SAMD5: variants seen among roughly 807,000 people sequenced by gnomAD.
SAMD5 encodes sterile alpha motif domain-containing protein 5.
Under a neutral mutation model 11.3 loss-of-function variants are expected in SAMD5, and 13 were observed. The ratio of observed to expected loss-of-function variants is 1.15; its 90% CI spans 0.75 to 1.83. The LOEUF (loss-of-function observed/expected upper bound fraction) is 1.83, where lower values mean the gene tolerates loss of function less well. SAMD5 is among the 40% of genes most tolerant of loss of function. SAMD5 has a pLI of 0.00. For synonymous variants in SAMD5, 129 were observed against 111.3 expected, an observed-to-expected ratio of 1.16 and a Z score of -1.00; for missense variants, 255 against 239.1, an observed-to-expected ratio of 1.07 and a Z score of -0.44.
intron 1 of SAMD5, among the ~76,000 whole-genome samples, chr6:147,621,371 G>A (rs1789962877): frequency 6.6e-6 from 1 of 152,324 alleles, no homozygotes; most frequent in South Asian, 2.1e-4. Flanking sequence ...GAAATCCAGT[G>A]CATGAGTCAA....
the SAMD5 span, among the ~76,000 whole-genome samples, chr6:147,908,363 G>A: frequency 6.6e-5 from 10 of 152,134 alleles, no homozygotes; most frequent in South Asian, 2.1e-3. Flanking sequence ...TGGATGCAGG[G>A]CCTGTGGACA....
At chr6:147,666,090 C>T (rs766758404) in intron 1 of SAMD5, among the ~76,000 whole-genome samples, 70 of 152,274 alleles carry the variant, frequency 4.6e-4, no homozygotes, top group Non-Finnish European at 6.3e-4. Context: ...AGGCGCCCGC[C>T]AACATGCCTG....
intron 1 of SAMD5, among the ~76,000 whole-genome samples, chr6:147,649,589 C>G (rs963756845): frequency 6.6e-6 from 1 of 152,066 alleles, no homozygotes; most frequent in Non-Finnish European, 1.5e-5. Flanking sequence ...GTCACGAGTT[C>G]GAGACCAGCC....
intron 1 of SAMD5, among the ~76,000 whole-genome samples, chr6:147,524,693 A>AAC (rs1788309810): frequency 1.3e-5 from 2 of 151,998 alleles, no homozygotes; most frequent in Non-Finnish European, 2.9e-5. Flanking sequence ...ATTCGCACCT[A>AAC]GATTCGCTTT....
intron 1 of SAMD5, among the ~76,000 whole-genome samples, chr6:147,546,703 A>T (rs945455170): frequency 1.3e-5 from 2 of 152,180 alleles, no homozygotes; most frequent in African/African-American, 4.8e-5. Flanking sequence ...TTAGATGAAT[A>T]CAGAGTTTTG....
At chr6:147,708,292 C>T (rs753223553) in intron 1 of SAMD5, among the ~76,000 whole-genome samples, 16 of 152,152 alleles carry the variant, frequency 1.1e-4, no homozygotes, top group Non-Finnish European at 2.1e-4. Context: ...CGGCCATCCG[C>T]GAGCCAAGGA....
rs1789084590 is a variant in SAMD5, at chr6:147,568,783, A to G, written c.*4327A>G. The G allele has an allele frequency of 2.7e-5, 26 of 966,706 alleles. No homozygotes were observed. Among genetic ancestry groups the G allele is most frequent in the Middle Eastern group, 5.2e-4 (1 of 1,906 alleles). 59.9% of individuals were successfully genotyped at this position (966,706 alleles called of 1,614,324 possible). A position where few individuals can be genotyped will look rare whatever the true frequency, so the allele number is the denominator to read the frequency against. On this transcript the variant is annotated 3_prime_UTR_variant, in exon 2 of 2. Coordinates refer to ENST00000367474, the MANE Select transcript of SAMD5 (RefSeq NM_001030060.3). The stretch of plus-strand genomic sequence containing the variant: ...CCTACATCAGATATTTTACACTATC[A>G]GATTCTTTGATTAAAAAATCATCTT...
intron 1 of SAMD5, chr6:147,692,476 G>C (rs995478304): frequency 1.3e-5 from 2 of 152,174 alleles, no homozygotes; most frequent in Non-Finnish European, 2.9e-5. Context: ...TGTCCTGCGT[G>C]TGCAGTCTTT....
chr6:147,715,771 A>G (rs761696531), intron 1 of SAMD5, among the ~76,000 whole-genome samples: 3 of 152,144 alleles, frequency 2.0e-5, no homozygotes, highest in Admixed American at 6.5e-5. Flanking sequence ...CCCACAGTGG[A>G]TAGGTCCTTT....
rs145402864 is a variant in SAMD5, at chr6:147,509,373, C to T, written c.445C>T (p.Pro149Ser). ...VRDGIHLSKP[P>S]YSRKVPMAGI... Reference sequence around the variant, plus strand: ...TGACGGCATCCACCTGAGCAAGCCCCCGTACTCCCGCAAGGTAAGGAGGTG... The same window carrying T: ...TGACGGCATCCACCTGAGCAAGCCCTCGTACTCCCGCAAGGTAAGGAGGTG... Residue 149 changes from proline (P) to serine (S), a missense_variant, in exon 1 of 2, where the codon CCG becomes TCG. Pro to Ser is a moderately conservative substitution (Grantham distance 74, BLOSUM62 -1). Coordinates refer to ENST00000367474, the MANE Select transcript of SAMD5 (RefSeq NM_001030060.3). The T allele has an allele frequency of 2.3e-4, 361 of 1,559,310 alleles. 2 individuals are homozygous for T. The highest frequency in any genetic ancestry group is 1.4e-3 in the Admixed American group (75 of 53,160).
chr6:147,576,176 T>C (rs1408508617), intron 1 of SAMD5, among the ~76,000 whole-genome samples: 1 of 151,334 alleles, frequency 6.6e-6, no homozygotes, highest in African/African-American at 2.4e-5. Context: ...GTCTTACTCC[T>C]GTTGCACAGG....
the SAMD5 span, among the ~76,000 whole-genome samples, chr6:147,819,528 G>GACA: frequency 6.6e-6 from 1 of 152,186 alleles, no homozygotes; most frequent in South Asian, 2.1e-4. Context: ...CTCACTGCAA[G>GACA]AAATATAGAC....
the SAMD5 span, among the ~76,000 whole-genome samples, chr6:147,773,575 T>C: frequency 1.2e-4 from 19 of 152,330 alleles, no homozygotes; most frequent in East Asian, 3.5e-3. Flanking sequence ...CTTCCTGATA[T>C]GCAGATAGCT....
At chr6:147,729,591 G>T (rs1791679431) in intron 1 of SAMD5, among the ~76,000 whole-genome samples, 1 of 152,152 alleles carries the variant, frequency 6.6e-6, no homozygotes, top group South Asian at 2.1e-4. Context: ...AGGTGCTAAG[G>T]AATGAAAAGT....
chr6:147,830,311 C>A, the SAMD5 span, among the ~76,000 whole-genome samples: 3 of 125,984 alleles, frequency 2.4e-5, no homozygotes, highest in Admixed American at 3.1e-4. Flanking sequence ...GGTTGGAGTG[C>A]AGTGGTGCAA....
At chr6:147,691,736 A>T (rs1403239715) in intron 1 of SAMD5, among the ~76,000 whole-genome samples, 1 of 152,174 alleles carries the variant, frequency 6.6e-6, no homozygotes, top group Non-Finnish European at 1.5e-5. Context: ...TGACTTGCTT[A>T]TTTGAGACTC....
chr6:147,618,279 G>T (rs1305250293), intron 1 of SAMD5, among the ~76,000 whole-genome samples: 2 of 152,194 alleles, frequency 1.3e-5, no homozygotes, highest in Non-Finnish European at 2.9e-5. Context: ...TTGGAGGAAG[G>T]ATAAGAACAG....
At chr6:147,633,451 G>A (rs1790181125) in intron 1 of SAMD5, among the ~76,000 whole-genome samples, 1 of 152,062 alleles carries the variant, frequency 6.6e-6, no homozygotes, top group African/African-American at 2.4e-5. Flanking sequence ...GAATAATTGG[G>A]AATGACTAGG....
the SAMD5 span, among the ~76,000 whole-genome samples, chr6:147,941,853 GT>G: frequency 2.0e-5 from 1 of 49,446 alleles, no homozygotes; most frequent in Non-Finnish European, 4.0e-5. Flanking sequence ...TGTGAAGTTG[GT>G]TTGTTTGTTT....
Sources: allele counts gnomAD v4.1 joint callset (sites outside exome capture counted in the v4.1 genomes callset), GRCh38; gene constraint gnomAD v4.1.1; transcripts MANE v1.5; gene names NCBI Gene and HGNC (gene_info 2026-07-23, HGNC 2026-07-21).